The following AGBL1 variants were observed in gnomAD, a reference collection of about 807,000 sequenced individuals.
AGBL1 encodes the protein cytosolic carboxypeptidase 4.
AGBL1 carries 130 observed loss-of-function variants against 118.9 expected under a neutral mutation model. The observed-to-expected ratio is 1.09, with a 90% CI of 0.95 to 1.26. The LOEUF (loss-of-function observed/expected upper bound fraction) is 1.26, where lower values mean the gene tolerates loss of function less well. AGBL1 is among the 50% of genes most tolerant of loss of function. AGBL1 has a pLI of 0.00. For missense variants in AGBL1, 1,584 were observed against 1,298.1 expected, an observed-to-expected ratio of 1.22 and a Z score of -3.38; for synonymous variants, 555 against 478.9, an observed-to-expected ratio of 1.16 and a Z score of -2.08.
rs1265648221 is a variant in AGBL1, at chr15:86,235,192, C to T, written c.526+10241C>T. Among the ~76,000 whole-genome samples the T allele has an allele frequency of 2.0e-5, 3 of 152,276 alleles. No individual in the cohort carries two copies. The East Asian group carries it at 5.8e-4, about 29-fold the overall frequency. On this transcript the variant is annotated intron_variant, in intron 6 of 22. Transcript: ENST00000614907. ...TCGGATCTGGGGACTCTGTTTTATT[C>T]TTATTTCTTAAGCTATTCTTCTTAT...
chr15:86,849,408 G>C (rs1321021620), intron 22 of AGBL1, among the ~76,000 whole-genome samples: 1 of 152,110 alleles, frequency 6.6e-6, no homozygotes, highest in Non-Finnish European at 1.5e-5. Context: ...AAATCAGCAT[G>C]GGGCTAAATA....
intron 1 of AGBL1, among the ~76,000 whole-genome samples, chr15:86,083,083 G>A (rs1208326086): frequency 6.6e-6 from 1 of 152,116 alleles, no homozygotes; most frequent in Non-Finnish European, 1.5e-5. Context: ...TTGAATGACT[G>A]TGGTTTTATG....
chr15:86,410,821 T>TG (rs2081598576), intron 18 of AGBL1, among the ~76,000 whole-genome samples: 4 of 108,004 alleles, frequency 3.7e-5, no homozygotes, highest in African/African-American at 8.0e-5. Flanking sequence ...TATATATATA[T>TG]ATATATATAT....
intron 23 of AGBL1, among the ~76,000 whole-genome samples, chr15:86,979,984 C>T (rs568861813): frequency 6.6e-6 from 1 of 152,284 alleles, no homozygotes; most frequent in East Asian, 1.9e-4. Flanking sequence ...TTCTCACTTT[C>T]TTTTCCCTTC....
chr15:86,755,313 T>C (rs983613037), intron 22 of AGBL1, among the ~76,000 whole-genome samples: 15 of 152,120 alleles, frequency 9.9e-5, no homozygotes, highest in Non-Finnish European at 2.1e-4. Flanking sequence ...GGAAATTCTA[T>C]TCTATACTTC....
At chr15:86,633,634 A>C (rs1484121238) in intron 21 of AGBL1, among the ~76,000 whole-genome samples, 1 of 151,816 alleles carries the variant, frequency 6.6e-6, no homozygotes, top group Non-Finnish European at 1.5e-5. Flanking sequence ...CAAGGGAGTA[A>C]AAAAGATCAT....
At chr15:86,611,423 A>G (rs993576288) in intron 21 of AGBL1, among the ~76,000 whole-genome samples, 17 of 152,216 alleles carry the variant, frequency 1.1e-4, no homozygotes, top group African/African-American at 4.1e-4. Flanking sequence ...TTCAATATAG[A>G]TGATGTGAAA....
At chr15:86,582,871 G>A (rs2142334996) in intron 21 of AGBL1, among the ~76,000 whole-genome samples, 1 of 143,454 alleles carries the variant, frequency 7.0e-6, no homozygotes, top group South Asian at 2.5e-4. Flanking sequence ...TGGGGTTGGG[G>A]GAGGGGGGAG....
intron 17 of AGBL1, among the ~76,000 whole-genome samples, chr15:86,386,503 G>A (rs1489109386): frequency 6.6e-6 from 1 of 151,212 alleles, no homozygotes. Context: ...AATTACAAAT[G>A]AGATCGTGGT....
intron 6 of AGBL1, among the ~76,000 whole-genome samples, chr15:86,227,122 C>T (rs2078378454): frequency 6.6e-6 from 1 of 152,034 alleles, no homozygotes; most frequent in African/African-American, 2.4e-5. Context: ...GTACTGCCCC[C>T]TTCTACCAGA....
chr15:86,900,308 C>T (rs1046770490), intron 22 of AGBL1, among the ~76,000 whole-genome samples: 1 of 152,110 alleles, frequency 6.6e-6, no homozygotes, highest in Non-Finnish European at 1.5e-5. Flanking sequence ...AGTTCTGTCC[C>T]TTTAGAGAAC....
At position 86,646,586 on chromosome 15, in the gene AGBL1, CT is replaced by C. The variant is rs971345675; in HGVS notation, c.2995-27679del. Among the ~76,000 whole-genome samples the C allele has an allele frequency of 8.5e-5, 13 of 152,058 alleles. 1 individual carries two copies. The highest frequency in any genetic ancestry group is 3.1e-4 in the African/African-American group (13 of 41,494). On this transcript the variant is annotated intron_variant, in intron 21 of 22. Transcript: ENST00000614907. ...TGCCCTGAGTTTGGGTTACACTTTT[CT>C]TTTTTTTAAGTTATTGAGTATACTT...
chr15:86,979,934 C>A (rs1482115522), intron 23 of AGBL1, among the ~76,000 whole-genome samples: 1 of 152,196 alleles, frequency 6.6e-6, no homozygotes, highest in Non-Finnish European at 1.5e-5. Flanking sequence ...GTGATTTTTA[C>A]TGGGATCCAC....
Position 86,473,688 on chromosome 15 carries a change from T to C in AGBL1, c.2556-49122T>C, listed in dbSNP as rs74937094. Among the ~76,000 whole-genome samples the C allele has an allele frequency of 1.1e-3, 173 of 152,368 alleles. 8 individuals carry two copies. In the East Asian group the frequency reaches 0.029, roughly 26 times the overall value. Reference sequence around the variant, plus strand: ...TATCATAGGACTGGAAAACAATTTATTTGATCTTAATAATTTTTCCAAATT... The same window carrying C: ...TATCATAGGACTGGAAAACAATTTACTTGATCTTAATAATTTTTCCAAATT... On this transcript the variant is annotated intron_variant, in intron 18 of 22. Transcript: ENST00000614907.
At chr15:86,496,407 TAC>T (rs1364781035) in intron 18 of AGBL1, among the ~76,000 whole-genome samples, 3 of 152,072 alleles carry the variant, frequency 2.0e-5, no homozygotes, top group African/African-American at 7.2e-5. Context: ...AATTGATTAA[TAC>T]ACAGTGTTTT....
At chr15:86,753,969 G>A (rs2077896166) in intron 22 of AGBL1, among the ~76,000 whole-genome samples, 1 of 152,038 alleles carries the variant, frequency 6.6e-6, no homozygotes, top group African/African-American at 2.4e-5. Context: ...TAAGCATGTT[G>A]AGAATCTTAC....
intron 22 of AGBL1, among the ~76,000 whole-genome samples, chr15:86,825,913 ATAGATAGATAGATAGATAG>A (rs2079006615): frequency 6.6e-6 from 1 of 151,566 alleles, no homozygotes. Flanking sequence ...AGATAGATAG[ATAGATAGATAGATAGATAG>A]ATAGACAGAT....
intron 17 of AGBL1, among the ~76,000 whole-genome samples, chr15:86,367,582 AATTGTTAACTG>A: frequency 6.6e-6 from 1 of 151,972 alleles, no homozygotes; most frequent in African/African-American, 2.4e-5. Flanking sequence ...GTAGGGAAGC[AATTGTTAACTG>A]AAAAAAAAAA....
At chr15:86,279,131 G>T (rs1305995985) in intron 15 of AGBL1, among the ~76,000 whole-genome samples, 1 of 152,298 alleles carries the variant, frequency 6.6e-6, no homozygotes, top group South Asian at 2.1e-4. Context: ...AACATAAGAT[G>T]ACATATGTTA....
Sources: allele counts gnomAD v4.1 joint callset (sites outside exome capture counted in the v4.1 genomes callset), GRCh38; gene constraint gnomAD v4.1.1; transcripts MANE v1.5; gene names NCBI Gene and HGNC (gene_info 2026-07-23, HGNC 2026-07-21).